Variants in RGSL1 observed in about 807,000 individuals in gnomAD.
RGSL1 encodes the protein regulator of G protein signaling like 1, also known as regulator of G protein signaling protein-like.
Under a neutral mutation model 124.7 loss-of-function variants are expected in RGSL1, and 97 were observed. The ratio of observed to expected loss-of-function variants is 0.78; its 90% CI spans 0.66 to 0.92. The LOEUF is 0.92. RGSL1 is among the 40% of genes least tolerant of loss of function. The probability of loss-of-function intolerance (pLI) is 0.00; values close to 1 mark genes in which losing one functional copy is unlikely to be tolerated. For synonymous variants in RGSL1, 424 were observed against 438.1 expected (o/e 0.97, Z 0.40); for missense variants, 1,233 against 1,288.4 (o/e 0.96, Z 0.66).
intron 15 of RGSL1, among the ~76,000 whole-genome samples, chr1:182,546,528 G>A (rs1405924431): frequency 1.3e-5 from 2 of 151,994 alleles, no homozygotes; most frequent in African/African-American, 4.8e-5. Flanking sequence ...CAAGTAGCTG[G>A]GACTACAGGC....
intron 1 of RGSL1, among the ~76,000 whole-genome samples, chr1:182,451,343 G>C (rs1165096864): frequency 8.7e-6 from 1 of 115,560 alleles, no homozygotes; most frequent in Non-Finnish European, 2.2e-5. Flanking sequence ...CTTGTTAATT[G>C]TAATAATGGA....
rs111823815 is a variant in RGSL1 at position 182,510,605 on chromosome 1, G to A, written c.1826-11399G>A. Among the ~76,000 whole-genome samples the A allele has an allele frequency of 1.2e-4, 3 of 25,392 alleles. 1 individual carries two copies. Among genetic ancestry groups the A allele is most frequent in the Admixed American group, 9.4e-4 (3 of 3,184 alleles). 16.7% of individuals were successfully genotyped at this position (25,392 alleles called of 152,430 possible). A position where few individuals can be genotyped will look rare whatever the true frequency, so the allele number is the denominator to read the frequency against. On this transcript the variant is annotated intron_variant, in intron 9 of 21. Coordinates refer to ENST00000294854, the MANE Select transcript of RGSL1 (RefSeq NM_001137669.2). ...ATCAGGCAGGGAGGTTGCAGTGAGCGGGGATGGCAGCAGTACAGTCCAGCT... is the reference window on the plus strand; with the variant it reads ...ATCAGGCAGGGAGGTTGCAGTGAGCAGGGATGGCAGCAGTACAGTCCAGCT...
chr1:182,454,590 G>GTGTT (rs1652133962), intron 2 of RGSL1, among the ~76,000 whole-genome samples: 1 of 17,328 alleles, frequency 5.8e-5, no homozygotes, highest in African/African-American at 3.9e-4. Flanking sequence ...AGTTGTATGT[G>GTGTT]TGTGTGTGTG....
chr1:182,513,897 CTT>C (rs35152167), intron 9 of RGSL1, among the ~76,000 whole-genome samples: 35 of 138,794 alleles, frequency 2.5e-4, no homozygotes, highest in African/African-American at 7.2e-4. Context: ...CTCTCCCTAT[CTT>C]TTTTTTTTTT....
At chr1:182,487,294 A>C (rs2102085327) in intron 6 of RGSL1, among the ~76,000 whole-genome samples, 1 of 152,306 alleles carries the variant, frequency 6.6e-6, no homozygotes, top group African/African-American at 2.4e-5. Flanking sequence ...TTCATTGCCT[A>C]CAAAATAATC....
At chr1:182,479,244 G>A (rs760167303) in intron 6 of RGSL1, among the ~76,000 whole-genome samples, 1 of 152,160 alleles carries the variant, frequency 6.6e-6, no homozygotes, top group Non-Finnish European at 1.5e-5. Flanking sequence ...GAACACTAGT[G>A]TGTAAATTAA....
At chr1:182,460,756 T>C (rs568277408) in intron 4 of RGSL1, 1 of 455,438 alleles carries the variant, frequency 2.2e-6, no homozygotes, top group African/African-American at 2.0e-5. Flanking sequence ...ATCTGTATGA[T>C]GTAAATATTT....
At chr1:182,505,757 C>G (rs993382810) in intron 9 of RGSL1, among the ~76,000 whole-genome samples, 14 of 152,032 alleles carry the variant, frequency 9.2e-5, no homozygotes, top group African/African-American at 3.1e-4. Flanking sequence ...TTTTCTGATG[C>G]ACTTATGTTT....
chr1:182,503,631 G>C (rs945819824), intron 9 of RGSL1, among the ~76,000 whole-genome samples: 28 of 151,844 alleles, frequency 1.8e-4, no homozygotes, highest in African/African-American at 6.5e-4. Flanking sequence ...GTGAGGGGGA[G>C]TTAAGGATAG....
chr1:182,499,914 A>AT (rs1156691892), intron 9 of RGSL1, among the ~76,000 whole-genome samples: 1 of 152,078 alleles, frequency 6.6e-6, no homozygotes, highest in Non-Finnish European at 1.5e-5. Flanking sequence ...TAGATACTAG[A>AT]TTTTTACCAG....
intron 19 of RGSL1, 73 bp from the exon 20 acceptor site, chr1:182,554,554 A>AGG: frequency 7.5e-7 from 1 of 1,335,428 alleles, no homozygotes; most frequent in Non-Finnish European, 1.0e-6. Context: ...ATGGTCCTCC[A>AGG]GGGTGGAGGC....
At chr1:182,485,253 T>C (rs145530279) in intron 6 of RGSL1, among the ~76,000 whole-genome samples, 6 of 152,314 alleles carry the variant, frequency 3.9e-5, no homozygotes, top group African/African-American at 1.2e-4. Context: ...GGAGGCCCAA[T>C]GTTTCCTTTC....
Position 182,548,709 on chromosome 1 carries a change from C to T in RGSL1, c.2818C>T (p.Pro940Ser), listed in dbSNP as rs1300883166. Reference sequence around the variant, plus strand: ...CCCACTCTGTGGGTAGGTGAATGTCCCTGAGTTCCAGAAGGATGCCATCCT... The same window carrying T: ...CCCACTCTGTGGGTAGGTGAATGTCTCTGAGTTCCAGAAGGATGCCATCCT... ...DIPPKLRVNV[P>S]EFQKDAILAA... The change falls in exon 17 of 22, where the codon CCT becomes TCT. Residue 940 changes from proline to serine, a missense_variant. Pro to Ser is a moderately conservative substitution (Grantham distance 74, BLOSUM62 -1). Coordinates refer to ENST00000294854, the MANE Select transcript of RGSL1 (RefSeq NM_001137669.2). 2.6e-6 allele frequency: 4 copies of T among 1,551,426 alleles called. No individual in the cohort carries two copies. The highest frequency in any genetic ancestry group is 3.9e-5 in the Admixed American group (2 of 50,978).
chr1:182,509,492 T>C (rs1312301556), intron 9 of RGSL1, among the ~76,000 whole-genome samples: 4 of 69,686 alleles, frequency 5.7e-5, no homozygotes, highest in African/African-American at 2.2e-4. Context: ...GGCGGGGGGC[T>C]GACCCCCCCA....
chr1:182,510,443 A>G (rs370810013), intron 9 of RGSL1, among the ~76,000 whole-genome samples: 4 of 44,300 alleles, frequency 9.0e-5, no homozygotes, highest in South Asian at 4.6e-4. Flanking sequence ...TCGGGAGGCC[A>G]AGGCTGGCGG....
Position 182,530,268 on chromosome 1 carries a change from CT to C in RGSL1, c.2151del (p.Ile718LeufsTer17). 1.3e-6 allele frequency: 2 copies of C among 1,550,874 alleles called. No individual in the cohort carries two copies. The highest frequency in any genetic ancestry group is 2.7e-5 in the African/African-American group (2 of 73,068). Reference sequence around the variant, plus strand: ...GAAGAAATGCTGCAGTGTGATGCCCCTATTATCAAAGAAATCGCTTCCATGC... The same window carrying C: ...GAAGAAATGCTGCAGTGTGATGCCCCATTATCAAAGAAATCGCTTCCATGC... ...SPEEMLQCDA[P>X]IIKEIASMRH... On this transcript the variant is annotated frameshift_variant, in exon 12 of 22. Coordinates refer to ENST00000294854, the MANE Select transcript of RGSL1 (RefSeq NM_001137669.2). LOFTEE classifies it high-confidence loss of function.
intron 9 of RGSL1, among the ~76,000 whole-genome samples, chr1:182,499,541 A>C (rs1656194543): frequency 6.6e-6 from 1 of 152,122 alleles, no homozygotes; most frequent in Non-Finnish European, 1.5e-5. Flanking sequence ...ATTTTTCTCC[A>C]TCTCTTTACT....
At chr1:182,537,899 C>T (rs1258232780) in intron 14 of RGSL1, among the ~76,000 whole-genome samples, 2 of 152,114 alleles carry the variant, frequency 1.3e-5, no homozygotes, top group Non-Finnish European at 2.9e-5. Context: ...CAGGTTCTCC[C>T]TCTCCTCTTT....
At chr1:182,476,228 T>C (rs1654280166) in intron 6 of RGSL1, among the ~76,000 whole-genome samples, 1 of 152,248 alleles carries the variant, frequency 6.6e-6, no homozygotes, top group African/African-American at 2.4e-5. Context: ...GGAGCCATTT[T>C]ACGACAGAGA....
Sources: allele counts gnomAD v4.1 joint callset (sites outside exome capture counted in the v4.1 genomes callset), GRCh38; gene constraint gnomAD v4.1.1; transcripts MANE v1.5; gene names NCBI Gene and HGNC (gene_info 2026-07-23, HGNC 2026-07-21).